Variants in GPATCH2 observed in about 807,000 individuals in gnomAD.
The protein encoded by GPATCH2 is G-patch domain containing 2.
In GPATCH2, 51 loss-of-function variants were observed where a neutral mutation model predicts 58.0. The ratio of observed to expected loss-of-function variants is 0.88; its 90% CI spans 0.70 to 1.11. The LOEUF (loss-of-function observed/expected upper bound fraction) is 1.11. Ranked by LOEUF, GPATCH2 falls within the 50% of genes most tolerant of loss-of-function variation. The pLI, the probability that GPATCH2 is intolerant of heterozygous loss-of-function variation, is 0.00. For missense variants in GPATCH2, 625 were observed against 652.2 expected (o/e 0.96, Z 0.45); for synonymous variants, 222 against 218.5 (o/e 1.02, Z -0.14).
chr1:217,484,642 CATAT>C (rs757400856), intron 8 of GPATCH2, among the ~76,000 whole-genome samples: 152 of 147,764 alleles, frequency 1.0e-3, no homozygotes, highest in Non-Finnish European at 1.7e-3. Context: ...CACGTGTATA[CATAT>C]ATACACACAT....
At chr1:217,524,645 G>A (rs1027964962) in intron 5 of GPATCH2, among the ~76,000 whole-genome samples, 6 of 151,608 alleles carry the variant, frequency 4.0e-5, no homozygotes, top group African/African-American at 1.2e-4. Context: ...GATCACTCGC[G>A]GTTAGGAGCT....
chr1:217,499,525 G>C (rs376880961), intron 6 of GPATCH2, among the ~76,000 whole-genome samples: 17 of 152,084 alleles, frequency 1.1e-4, no homozygotes, highest in African/African-American at 3.6e-4. Flanking sequence ...ACATTAATAG[G>C]CCTTGTTTAG....
intron 9 of GPATCH2, among the ~76,000 whole-genome samples, chr1:217,437,776 C>T (rs1658909797): frequency 6.6e-6 from 1 of 152,234 alleles, no homozygotes; most frequent in African/African-American, 2.4e-5. Context: ...TGGGACAGAG[C>T]ACCTGCGGGA....
intron 5 of GPATCH2, among the ~76,000 whole-genome samples, chr1:217,580,041 C>A (rs1035345806): frequency 6.6e-6 from 1 of 152,064 alleles, no homozygotes; most frequent in Non-Finnish European, 1.5e-5. Flanking sequence ...ATTTTTGCTA[C>A]AATAATTTTA....
intron 8 of GPATCH2, among the ~76,000 whole-genome samples, chr1:217,480,414 G>A (rs1455162884): frequency 2.0e-5 from 3 of 152,066 alleles, no homozygotes; most frequent in African/African-American, 7.2e-5. Context: ...ACTGATCATC[G>A]GAGAAGTGCA....
chr1:217,430,830 C>T lies in GPATCH2; in HGVS notation c.*315G>A. 2.7e-6 allele frequency: 1 copy of T among 371,574 alleles called. No individual in the cohort carries two copies. Among genetic ancestry groups the T allele is most frequent in the Non-Finnish European group, 5.0e-6 (1 of 201,510 alleles). The allele number at this position is 371,574 out of a possible 1,614,324, so 23.0% of individuals were successfully genotyped here. ...TGGGCATTGCAGCACTGCACACATA[C>T]ATGAATTAAGCAAAGCATCGGAAAG... On this transcript the variant is annotated 3_prime_UTR_variant, in exon 10 of 10. Transcript: ENST00000366935.
At chr1:217,574,230 CT>C (rs1294440775) in intron 5 of GPATCH2, among the ~76,000 whole-genome samples, 1 of 152,052 alleles carries the variant, frequency 6.6e-6, no homozygotes, top group Non-Finnish European at 1.5e-5. Flanking sequence ...CAAAATGTGC[CT>C]TTTTTACATT....
At chr1:217,498,219 T>C (rs1381366311) in intron 7 of GPATCH2, 137 bp downstream of exon 7, 2 of 787,662 alleles carry the variant, frequency 2.5e-6, no homozygotes, top group East Asian at 4.8e-5. Flanking sequence ...TATTTAATCG[T>C]TGACATAATT....
At chr1:217,571,008 C>T (rs1489783080) in intron 5 of GPATCH2, among the ~76,000 whole-genome samples, 1 of 152,168 alleles carries the variant, frequency 6.6e-6, no homozygotes, top group Non-Finnish European at 1.5e-5. Flanking sequence ...AAAGATGTTT[C>T]CAATGGCAGC....
At chr1:217,616,824 A>G (rs2102830398) in intron 2 of GPATCH2, among the ~76,000 whole-genome samples, 1 of 152,276 alleles carries the variant, frequency 6.6e-6, no homozygotes, top group African/African-American at 2.4e-5. Context: ...CACTAATATC[A>G]ATCACTTGCC....
intron 6 of GPATCH2, among the ~76,000 whole-genome samples, chr1:217,500,195 C>T (rs1164673155): frequency 6.6e-6 from 1 of 151,968 alleles, no homozygotes; most frequent in Non-Finnish European, 1.5e-5. Flanking sequence ...TTTCTAAATA[C>T]CTGCCAGCCT....
chr1:217,630,897 C>T lies in GPATCH2; in HGVS notation c.56+19G>A. On this transcript the variant is annotated intron_variant, in intron 1 of 9. Transcript: ENST00000366935. The stretch of plus-strand genomic sequence containing the variant: ...ACACCCTTCCCTGACCTCCCCCTCC[C>T]CAGGGCCGCCAGCCTCACCAGCTGT... 1 of 1,578,258 alleles carries T rather than the reference C, an allele frequency of 6.3e-7. No homozygotes were observed. Among genetic ancestry groups the T allele is most frequent in the South Asian group, 1.1e-5 (1 of 87,890 alleles).
intron 7 of GPATCH2, among the ~76,000 whole-genome samples, chr1:217,497,036 G>T (rs1256981165): frequency 6.6e-5 from 10 of 152,028 alleles, no homozygotes; most frequent in Admixed American, 2.0e-4. Flanking sequence ...TTTAATTTCA[G>T]AATAAAGCTT....
At chr1:217,456,991 T>C (rs1558405643) in intron 8 of GPATCH2, among the ~76,000 whole-genome samples, 2 of 152,228 alleles carry the variant, frequency 1.3e-5, no homozygotes, top group African/African-American at 2.4e-5. Context: ...TTTTCTTCTT[T>C]ACCCTTCTCA....
intron 5 of GPATCH2, among the ~76,000 whole-genome samples, chr1:217,599,944 A>C (rs546001053): frequency 6.6e-6 from 1 of 152,250 alleles, no homozygotes; most frequent in South Asian, 2.1e-4. Flanking sequence ...TAGATTGAAT[A>C]CTTCAAAATC....
chr1:217,436,048 A>G (rs1475506620), intron 9 of GPATCH2, among the ~76,000 whole-genome samples: 3 of 152,178 alleles, frequency 2.0e-5, no homozygotes, highest in African/African-American at 7.2e-5. Flanking sequence ...CTTAAGGGAT[A>G]AAAACTTTGT....
chr1:217,427,802 C>T lies in GPATCH2; in HGVS notation c.*3343G>A, dbSNP rs2102512543. The T allele has an allele frequency of 6.6e-6, 1 of 152,182 alleles. No individual in the cohort carries two copies. The highest frequency in any genetic ancestry group is 1.5e-5 in the Non-Finnish European group (1 of 67,990). 9.4% of individuals were successfully genotyped at this position (152,182 alleles called of 1,614,324 possible). A position where few individuals can be genotyped will look rare whatever the true frequency, so the allele number is the denominator to read the frequency against. ...AGTTCAATTTACAAGAATGCCAATT[C>T]TCAATATTAAAATAAACATTAATAA... On this transcript the variant is annotated 3_prime_UTR_variant, in exon 10 of 10. Coordinates refer to ENST00000366935, the MANE Select transcript of GPATCH2 (RefSeq NM_018040.5).
intron 5 of GPATCH2, among the ~76,000 whole-genome samples, chr1:217,525,300 A>G (rs895137571): frequency 3.3e-5 from 5 of 152,134 alleles, no homozygotes; most frequent in Non-Finnish European, 4.4e-5. Context: ...CACCACTGGG[A>G]TATGACACAC....
chr1:217,449,956 T>C (rs1456813139), intron 8 of GPATCH2, among the ~76,000 whole-genome samples: 3 of 152,164 alleles, frequency 2.0e-5, no homozygotes, highest in Non-Finnish European at 4.4e-5. Context: ...TGTAAAAACA[T>C]GATATATAAA....
Sources: allele counts gnomAD v4.1 joint callset (sites outside exome capture counted in the v4.1 genomes callset), GRCh38; gene constraint gnomAD v4.1.1; transcripts MANE v1.5; gene names NCBI Gene and HGNC (gene_info 2026-07-23, HGNC 2026-07-21).